Variants in SLC26A9 observed in about 807,000 individuals in gnomAD.
SLC26A9 encodes the protein anion transporter/exchanger protein 9.
In SLC26A9, 46 loss-of-function variants were observed where a neutral mutation model predicts 87.1. That is an observed-to-expected ratio of 0.53 (90% CI 0.42 to 0.67). The LOEUF is 0.67. SLC26A9 is among the 30% of genes least tolerant of loss of function. SLC26A9 has a pLI of 0.00. For synonymous variants in SLC26A9, 437 were observed against 409.1 expected, an observed-to-expected ratio of 1.07 and a Z score of -0.82; for missense variants, 927 against 1,018.3, an observed-to-expected ratio of 0.91 and a Z score of 1.22.
At chr1:205,935,426 G>A (rs1241173195) in intron 2 of SLC26A9, among the ~76,000 whole-genome samples, 1 of 152,070 alleles carries the variant, frequency 6.6e-6, no homozygotes. Context: ...AGAGAGACCC[G>A]GGTGAATTGA....
intron 4 of SLC26A9, 126 bp from the exon 5 acceptor site, chr1:205,932,161 CA>C (rs2102595019): frequency 1.8e-6 from 2 of 1,096,310 alleles, no homozygotes; most frequent in Non-Finnish European, 2.6e-6. Flanking sequence ...GGCTCTTCTC[CA>C]ACACAATAAT....
At chr1:205,932,921 G>A (rs772183986) in intron 3 of SLC26A9, 24 bp downstream of exon 3, 85 of 1,613,352 alleles carry the variant, frequency 5.3e-5, no homozygotes, top group Non-Finnish European at 6.8e-5. Context: ...GGCAATCCAG[G>A]CCTGGCTGAA....
chr1:205,922,942 A>T (rs1164509721), intron 16 of SLC26A9, 140 bp downstream of exon 16: 8 of 730,720 alleles, frequency 1.1e-5, no homozygotes, highest in Non-Finnish European at 1.9e-5. Flanking sequence ...CCCAGCGGCC[A>T]CCAGGCAGTG....
chr1:205,920,277 G>C (rs764763496), intron 17 of SLC26A9, 47 bp from the exon 18 acceptor site: 22 of 1,610,388 alleles, frequency 1.4e-5, no homozygotes, highest in Admixed American at 3.3e-5. Context: ...GGAATGTTCT[G>C]AGTGGGTCTC....
intron 17 of SLC26A9, 27 bp from the exon 18 acceptor site, chr1:205,920,257 C>A (rs748188769): frequency 1.2e-6 from 2 of 1,613,490 alleles, no homozygotes; most frequent in Non-Finnish European, 1.7e-6. Flanking sequence ...GGTAGGGAGG[C>A]AAAAGGAAAG....
chr1:205,929,794 C>T (rs1264599572), intron 6 of SLC26A9, 98 bp downstream of exon 6: 5 of 1,410,444 alleles, frequency 3.5e-6, no homozygotes, highest in Non-Finnish European at 4.7e-6. Context: ...TAAGCCAGCC[C>T]TTGCAATGAG....
Position 205,914,749 on chromosome 1 carries a change from T to G in SLC26A9, c.*608A>C. The G allele has an allele frequency of 5.8e-6, 6 of 1,038,410 alleles. No individual in the cohort carries two copies. The highest frequency in any genetic ancestry group is 7.0e-6 in the Non-Finnish European group (5 of 717,228). 64.3% of individuals were successfully genotyped at this position (1,038,410 alleles called of 1,614,324 possible). ...ACAGCAGTGGTGGTTTGGGCAGCCT[T>G]GGGGATGATGGAGGGGGGGCGCATA... On this transcript the variant is annotated 3_prime_UTR_variant, in exon 21 of 21. Transcript: ENST00000367135.
Position 205,932,929 on chromosome 1 carries a change from G to A in SLC26A9, c.265+16C>T. ...GGGGAGTGGCAATCCAGGCCTGGCT[G>A]AAGGAGCCCCTTCACCTTGTGGGAC... On this transcript the variant is annotated intron_variant, in intron 3 of 20. Transcript: ENST00000367135. 1 of 1,613,656 alleles carries A rather than the reference G, an allele frequency of 6.2e-7. No homozygotes were observed. The highest frequency in any genetic ancestry group is 8.5e-7 in the Non-Finnish European group (1 of 1,179,752).
Position 205,914,991 on chromosome 1 carries a change from C to T in SLC26A9, c.*366G>A. The T allele has an allele frequency of 6.2e-7, 1 of 1,614,184 alleles. No homozygotes were observed. Among genetic ancestry groups the T allele is most frequent in the South Asian group, 1.1e-5 (1 of 91,086 alleles). The stretch of plus-strand genomic sequence containing the variant: ...GCAGGCCAGCACAGTTGTACTTGTC[C>T]TTCTGTTTTTGGCTCACTCGTAAAA... On this transcript the variant is annotated 3_prime_UTR_variant, in exon 21 of 21. Transcript: ENST00000367135.
chr1:205,914,911 A>C lies in SLC26A9; in HGVS notation c.*446T>G, dbSNP rs16856448. 2 of 1,613,124 alleles carry C rather than the reference A, an allele frequency of 1.2e-6. No individual in the cohort carries two copies. Among genetic ancestry groups the C allele is most frequent in the East Asian group, 2.2e-5 (1 of 44,886 alleles). On this transcript the variant is annotated 3_prime_UTR_variant, in exon 21 of 21. Transcript: ENST00000367135. The stretch of plus-strand genomic sequence containing the variant: ...TTATCCCTATGTCCGTGACAGCCTG[A>C]CACCATCTGACACCGAGCCGTGTGG...
chr1:205,931,465 G>GTTTTTTGTTTTTT, intron 5 of SLC26A9, among the ~76,000 whole-genome samples: 1 of 95,986 alleles, frequency 1.0e-5, no homozygotes, highest in Non-Finnish European at 2.0e-5. Flanking sequence ...CCCTAACTTG[G>GTTTTTTGTTTTTT]TTTTTTTTTT....
rs779225799 is a variant in SLC26A9, at chr1:205,927,920, G to A, written c.1083C>T (p.Tyr361=). 2.3e-5 allele frequency: 37 copies of A among 1,614,024 alleles called. No homozygotes were observed. The highest frequency in any genetic ancestry group is 1.5e-4 in the Admixed American group (9 of 60,010). The change falls in exon 9 of 21, where the codon TAC becomes TAT. Residue 361 remains tyrosine (Y), a synonymous_variant. Coordinates refer to ENST00000367135, the MANE Select transcript of SLC26A9 (RefSeq NM_052934.4). ...GAGCTACCTGGTTCGAATCCACGTC[G>A]TAGCCGTGCTTGTTGGCCAGGGTCC... ...MGRTLANKHG[Y]DVDSNQEMIA... is the part of the protein sequence containing the mutation.
chr1:205,925,369 T>G (rs1177143101), intron 12 of SLC26A9, among the ~76,000 whole-genome samples: 1 of 152,110 alleles, frequency 6.6e-6, no homozygotes, highest in Non-Finnish European at 1.5e-5. Flanking sequence ...CCCTATAGAT[T>G]TTAAGACCTG....
intron 5 of SLC26A9, among the ~76,000 whole-genome samples, chr1:205,931,437 G>T (rs1438038008): frequency 6.6e-6 from 1 of 151,084 alleles, no homozygotes; most frequent in East Asian, 1.9e-4. Context: ...CTGGGATGGG[G>T]AGGAGGGAGG....
At chr1:205,939,794 T>G (rs1659661586) in intron 1 of SLC26A9, among the ~76,000 whole-genome samples, 1 of 152,014 alleles carries the variant, frequency 6.6e-6, no homozygotes, top group Admixed American at 6.5e-5. Context: ...GAGAGCCAGG[T>G]ATAGGGAACA....
chr1:205,935,479 A>T (rs1158847990), intron 2 of SLC26A9: 5 of 548,836 alleles, frequency 9.1e-6, no homozygotes, highest in Non-Finnish European at 1.5e-5. Flanking sequence ...ATGCCATATA[A>T]CCCTTCTGGA....
chr1:205,938,067 G>C (rs1010766685), intron 1 of SLC26A9, among the ~76,000 whole-genome samples: 1 of 151,930 alleles, frequency 6.6e-6, no homozygotes, highest in Admixed American at 6.6e-5. Flanking sequence ...TGCGGGGAAG[G>C]GAGTTATTAG....
At chr1:205,927,657 G>T in intron 9 of SLC26A9, 52 bp from the exon 10 acceptor site, 1 of 1,544,892 alleles carries the variant, frequency 6.5e-7, no homozygotes, top group South Asian at 1.2e-5. Context: ...GGGGCACGGG[G>T]ACCAAGTGCA....
At position 205,920,305 on chromosome 1, in the gene SLC26A9, C is replaced by T. The variant is rs982903236; in HGVS notation, c.2056-75G>A. 6.3e-6 allele frequency: 10 copies of T among 1,585,786 alleles called. No individual in the cohort carries two copies. In the South Asian group the frequency reaches 7.7e-5, roughly 12 times the overall value. Reference sequence around the variant, plus strand: ...TGGGTCTCAAAAGTGATTCACAAAACGTACTTCAGAGGGGAAGCCAAACAA... The same window carrying T: ...TGGGTCTCAAAAGTGATTCACAAAATGTACTTCAGAGGGGAAGCCAAACAA... On this transcript the variant is annotated intron_variant, in intron 17 of 20. Coordinates refer to ENST00000367135, the MANE Select transcript of SLC26A9 (RefSeq NM_052934.4).
Sources: gnomAD v4.1 joint callset for allele counts (sites outside exome capture counted in the v4.1 genomes callset) on GRCh38, gnomAD v4.1.1 for gene constraint, MANE v1.5 for transcripts, NCBI Gene and HGNC (gene_info 2026-07-23, HGNC 2026-07-21) for gene names.